The following KIAA1328 variants were observed in gnomAD, a reference collection of about 807,000 sequenced individuals.
KIAA1328 encodes KIAA1328, also known as protein hinderin.
In KIAA1328, 52 loss-of-function variants were observed where a neutral mutation model predicts 68.1. The ratio of observed to expected loss-of-function variants is 0.76; its 90% CI spans 0.61 to 0.96. KIAA1328 has a LOEUF of 0.96. KIAA1328 is among the 40% of genes least tolerant of loss of function. The pLI is 0.00. For synonymous variants in KIAA1328, 232 were observed against 239.4 expected, an observed-to-expected ratio of 0.97 and a Z score of 0.28; for missense variants, 641 against 677.6, an observed-to-expected ratio of 0.95 and a Z score of 0.60.
At chr18:37,063,943 T>G (rs2056248952) in intron 6 of KIAA1328, among the ~76,000 whole-genome samples, 2 of 152,094 alleles carry the variant, frequency 1.3e-5, no homozygotes, top group Non-Finnish European at 1.5e-5. Context: ...AATATATATA[T>G]ATATCTAGTA....
intron 5 of KIAA1328, among the ~76,000 whole-genome samples, chr18:36,919,072 G>A (rs1303019092): frequency 2.6e-5 from 4 of 152,072 alleles, no homozygotes; most frequent in Non-Finnish European, 4.4e-5. Context: ...ATTGTCAGTT[G>A]CATTAAGGTA....
At chr18:37,078,840 G>T (rs2056844461) in intron 7 of KIAA1328, among the ~76,000 whole-genome samples, 2 of 149,850 alleles carry the variant, frequency 1.3e-5, no homozygotes, top group Admixed American at 1.3e-4. Flanking sequence ...ACAGGTGCTG[G>T]AGAGGATGTG....
intron 6 of KIAA1328, among the ~76,000 whole-genome samples, chr18:37,029,794 C>G (rs1015038669): frequency 2.6e-5 from 4 of 152,036 alleles, no homozygotes; most frequent in Non-Finnish European, 5.9e-5. Flanking sequence ...TGATCCATGA[C>G]CTTTTCTTTT....
chr18:37,150,426 C>T (rs2059002968), intron 7 of KIAA1328, among the ~76,000 whole-genome samples: 1 of 152,074 alleles, frequency 6.6e-6, no homozygotes, highest in Admixed American at 6.6e-5. Flanking sequence ...ATTCTGTCCT[C>T]CTACCACACT....
chr18:36,920,762 T>C (rs1445701403), intron 5 of KIAA1328, among the ~76,000 whole-genome samples: 2 of 152,206 alleles, frequency 1.3e-5, no homozygotes, highest in African/African-American at 4.8e-5. Flanking sequence ...AGCCTTCTGC[T>C]TTCCAGTGTT....
intron 6 of KIAA1328, among the ~76,000 whole-genome samples, chr18:37,037,101 T>C (rs1316887818): frequency 6.6e-6 from 1 of 152,202 alleles, no homozygotes; most frequent in African/African-American, 2.4e-5. Flanking sequence ...TATTTATTTT[T>C]ACCTGTTTTC....
chr18:37,099,316 C>G (rs2057522196), intron 7 of KIAA1328, among the ~76,000 whole-genome samples: 1 of 152,122 alleles, frequency 6.6e-6, no homozygotes, highest in African/African-American at 2.4e-5. Context: ...TTATTTCTGC[C>G]TTCATTTTGT....
intron 5 of KIAA1328, among the ~76,000 whole-genome samples, chr18:36,919,042 G>C (rs944079416): frequency 6.6e-6 from 1 of 151,950 alleles, no homozygotes; most frequent in African/African-American, 2.4e-5. Flanking sequence ...CAGCTGTTGG[G>C]GTAGGGCTTT....
intron 7 of KIAA1328, among the ~76,000 whole-genome samples, chr18:37,108,041 T>C (rs2057823424): frequency 6.6e-6 from 1 of 152,070 alleles, no homozygotes; most frequent in Non-Finnish European, 1.5e-5. Flanking sequence ...CTAAAAGAAA[T>C]AAATCATCCT....
intron 4 of KIAA1328, among the ~76,000 whole-genome samples, chr18:36,868,766 A>G (rs1278378288): frequency 6.6e-6 from 1 of 152,088 alleles, no homozygotes; most frequent in Non-Finnish European, 1.5e-5. Flanking sequence ...TTGGGCACTA[A>G]CTCATTTGAG....
intron 9 of KIAA1328, among the ~76,000 whole-genome samples, chr18:37,200,413 G>C (rs545126159): frequency 6.6e-5 from 10 of 152,188 alleles, no homozygotes; most frequent in Non-Finnish European, 1.3e-4. Context: ...CTTGGTGTCT[G>C]TTAATTTAGA....
At position 36,967,182 on chromosome 18, in the gene KIAA1328, C is replaced by T. The variant is rs570471086; in HGVS notation, c.576+7747C>T. Among the ~76,000 whole-genome samples, 7 of 152,226 alleles carry T rather than the reference C, an allele frequency of 4.6e-5. No homozygotes were observed. In the East Asian group the frequency reaches 7.7e-4, roughly 17 times the overall value. ...AAGAAAAGCAGAGAGTTTTCTTTAG[C>T]TGAGAGTAAAAGATGAAATCAGAGA... is the stretch of plus-strand genomic sequence containing the variant. On this transcript the variant is annotated intron_variant, in intron 6 of 9. Coordinates refer to ENST00000280020, the MANE Select transcript of KIAA1328 (RefSeq NM_020776.3).
chr18:36,835,390 T>A lies in KIAA1328; in HGVS notation c.237+14T>A. On this transcript the variant is annotated intron_variant, in intron 3 of 9. Coordinates refer to ENST00000280020, the MANE Select transcript of KIAA1328 (RefSeq NM_020776.3). ...GTAGATGAACAGGTTAGTATTTTTTTCGTCTTTTTTTTTCCTTGCTCTCCA... is the reference window on the plus strand; with the variant it reads ...GTAGATGAACAGGTTAGTATTTTTTACGTCTTTTTTTTTCCTTGCTCTCCA... The A allele has an allele frequency of 1.2e-6, 2 of 1,600,764 alleles. No individual in the cohort carries two copies. Among genetic ancestry groups the A allele is most frequent in the Non-Finnish European group, 1.7e-6 (2 of 1,175,114 alleles).
chr18:36,855,787 GTATT>G (rs1319019706), intron 4 of KIAA1328, among the ~76,000 whole-genome samples: 1 of 151,290 alleles, frequency 6.6e-6, no homozygotes, highest in South Asian at 2.1e-4. Flanking sequence ...TTATATTTAA[GTATT>G]TATTTAACTA....
chr18:37,027,312 C>A (rs935088731), intron 6 of KIAA1328, among the ~76,000 whole-genome samples: 5 of 152,088 alleles, frequency 3.3e-5, no homozygotes, highest in Non-Finnish European at 7.4e-5. Context: ...TTTATAGATT[C>A]AATGCCATCC....
intron 9 of KIAA1328, among the ~76,000 whole-genome samples, chr18:37,185,812 A>G (rs2059786701): frequency 6.6e-6 from 1 of 151,586 alleles, no homozygotes; most frequent in Non-Finnish European, 1.5e-5. Context: ...CTCCCCCCCA[A>G]AAAAAAAGAC....
chr18:36,957,622 T>G (rs2051476405), intron 5 of KIAA1328, among the ~76,000 whole-genome samples: 1 of 152,130 alleles, frequency 6.6e-6, no homozygotes, highest in Admixed American at 6.6e-5. Context: ...TCAGAAAATT[T>G]CCTGGTGATG....
At chr18:37,083,304 C>A (rs1310412336) in intron 7 of KIAA1328, among the ~76,000 whole-genome samples, 1 of 152,186 alleles carries the variant, frequency 6.6e-6, no homozygotes, top group Non-Finnish European at 1.5e-5. Flanking sequence ...GGGAATTAAT[C>A]CATGTACTTT....
chr18:36,979,230 C>G (rs1299178835), intron 6 of KIAA1328, among the ~76,000 whole-genome samples: 3 of 151,232 alleles, frequency 2.0e-5, no homozygotes, highest in African/African-American at 7.3e-5. Context: ...ATATGAATAC[C>G]TATTGGTGTG....
Sources: gnomAD v4.1 joint callset for allele counts (sites outside exome capture counted in the v4.1 genomes callset) on GRCh38, gnomAD v4.1.1 for gene constraint, MANE v1.5 for transcripts, NCBI Gene and HGNC (gene_info 2026-07-23, HGNC 2026-07-21) for gene names.